KLF12: variants seen among roughly 807,000 people sequenced by gnomAD.
KLF12 encodes the protein Krueppel-like factor 12.
A neutral mutation model predicts 37.8 loss-of-function variants in KLF12; 9 were observed. The ratio of observed to expected loss-of-function variants is 0.24; its 90% CI spans 0.14 to 0.42. The LOEUF is 0.42. KLF12 is among the 10% of genes least tolerant of loss of function. The pLI, the probability that KLF12 is intolerant of heterozygous loss-of-function variation, is 1.00. For missense variants in KLF12, 411 were observed against 516.0 expected (o/e 0.80, Z 1.97); for synonymous variants, 208 against 202.1 (o/e 1.03, Z -0.25).
At chr13:74,126,098 T>C (rs1176153457) in intron 1 of KLF12, among the ~76,000 whole-genome samples, 1 of 152,220 alleles carries the variant, frequency 6.6e-6, no homozygotes, top group Non-Finnish European at 1.5e-5. Context: ...ATATAGCACA[T>C]ATGTGCTGTA....
the KLF12 span, among the ~76,000 whole-genome samples, chr13:74,277,320 A>G: frequency 2.6e-5 from 4 of 152,170 alleles, no homozygotes; most frequent in East Asian, 7.7e-4. Flanking sequence ...CACATGGCCC[A>G]TATCATGTTT....
At chr13:73,856,980 C>T (rs1419094416) in intron 3 of KLF12, among the ~76,000 whole-genome samples, 9 of 151,658 alleles carry the variant, frequency 5.9e-5, no homozygotes, top group Non-Finnish European at 1.3e-4. Context: ...AGAGTGAAAC[C>T]CTGTCTCAAA....
At chr13:73,807,544 A>G (rs1315510221) in intron 5 of KLF12, among the ~76,000 whole-genome samples, 1 of 152,210 alleles carries the variant, frequency 6.6e-6, no homozygotes, top group Non-Finnish European at 1.5e-5. Context: ...AAGTGCTTTA[A>G]TTAGCTTAAA....
chr13:74,294,938 C>T, the KLF12 span, among the ~76,000 whole-genome samples: 2 of 152,164 alleles, frequency 1.3e-5, no homozygotes, highest in South Asian at 2.1e-4. Flanking sequence ...TTTTGATGAG[C>T]TCCTTTCCTG....
chr13:74,044,399 C>G (rs537092517), intron 1 of KLF12, among the ~76,000 whole-genome samples: 1 of 151,968 alleles, frequency 6.6e-6, no homozygotes, highest in South Asian at 2.1e-4. Context: ...ATGAATGATT[C>G]CAGGACTGAG....
the KLF12 span, among the ~76,000 whole-genome samples, chr13:74,290,045 C>T: frequency 2.6e-5 from 4 of 152,102 alleles, no homozygotes; most frequent in African/African-American, 9.7e-5. Flanking sequence ...TAAATTATCT[C>T]ATCAGCTTCA....
upstream of KLF12, among the ~76,000 whole-genome samples, chr13:74,135,078 G>C (rs1443779430): frequency 1.3e-5 from 2 of 151,340 alleles, no homozygotes; most frequent in Non-Finnish European, 3.0e-5. Flanking sequence ...GCGGAGGGCC[G>C]GGCGCGGCAG....
At chr13:74,296,052 CG>C in the KLF12 span, among the ~76,000 whole-genome samples, 14 of 151,932 alleles carry the variant, frequency 9.2e-5, no homozygotes, top group African/African-American at 2.7e-4. Context: ...CTCCTGAGCT[CG>C]GGTGATCCAC....
chr13:74,061,556 A>T (rs1319152317), intron 1 of KLF12, among the ~76,000 whole-genome samples: 2 of 152,176 alleles, frequency 1.3e-5, no homozygotes, highest in African/African-American at 4.8e-5. Context: ...AGATAAAAAA[A>T]ACACTCTGGG....
chr13:74,090,510 T>G (rs1371137226), intron 1 of KLF12, among the ~76,000 whole-genome samples: 6 of 152,148 alleles, frequency 3.9e-5, no homozygotes, highest in Non-Finnish European at 7.4e-5. Flanking sequence ...TCTATCAAAA[T>G]CGACAAGCTG....
chr13:74,274,287 G>A, the KLF12 span, among the ~76,000 whole-genome samples: 3 of 152,016 alleles, frequency 2.0e-5, no homozygotes, highest in Non-Finnish European at 2.9e-5. Context: ...AAGACCTAAG[G>A]CTTATTTACA....
At chr13:73,752,372 T>C (rs777048313) in intron 6 of KLF12, among the ~76,000 whole-genome samples, 4 of 149,384 alleles carry the variant, frequency 2.7e-5, no homozygotes, top group Non-Finnish European at 4.5e-5. Context: ...ATTTTCTTCA[T>C]CTCAAGAACT....
intron 1 of KLF12, among the ~76,000 whole-genome samples, chr13:74,038,462 A>G (rs1893316067): frequency 2.0e-5 from 3 of 152,186 alleles, no homozygotes; most frequent in Admixed American, 2.0e-4. Flanking sequence ...GTCATCCACG[A>G]CAAAAAGCAG....
chr13:73,820,680 T>C (rs897420306), intron 4 of KLF12, among the ~76,000 whole-genome samples: 1 of 152,090 alleles, frequency 6.6e-6, no homozygotes, highest in African/African-American at 2.4e-5. Context: ...TAATATGCAA[T>C]TTACTCATTT....
intron 1 of KLF12, among the ~76,000 whole-genome samples, chr13:74,128,240 T>A (rs889914271): frequency 3.3e-5 from 5 of 152,198 alleles, no homozygotes; most frequent in Non-Finnish European, 5.9e-5. Context: ...GAGACAGGAA[T>A]GGAATTCATG....
chr13:73,704,400 C>T (rs770307864), intron 7 of KLF12, among the ~76,000 whole-genome samples: 4 of 152,162 alleles, frequency 2.6e-5, no homozygotes, highest in Admixed American at 6.5e-5. Flanking sequence ...GGTACCAAAT[C>T]GTCAATGTCT....
At chr13:74,137,185 C>T (rs1193578688), upstream of KLF12, among the ~76,000 whole-genome samples, 3 of 152,168 alleles carry the variant, frequency 2.0e-5, no homozygotes, top group Non-Finnish European at 1.5e-5. Flanking sequence ...AGACCTTTTT[C>T]CTCTCTACCT....
intron 1 of KLF12, among the ~76,000 whole-genome samples, chr13:74,120,303 G>A (rs752257530): frequency 2.7e-4 from 41 of 152,184 alleles, no homozygotes; most frequent in African/African-American, 8.4e-4. Context: ...CCAACATGGC[G>A]AAACCCTGTC....
At chr13:74,165,997 T>C in the KLF12 span, among the ~76,000 whole-genome samples, 5 of 152,134 alleles carry the variant, frequency 3.3e-5, no homozygotes, top group Non-Finnish European at 7.4e-5. Context: ...TGAGATCTAT[T>C]ATGTATAAAA....
Sources: allele counts gnomAD v4.1 joint callset (sites outside exome capture counted in the v4.1 genomes callset), GRCh38; gene constraint gnomAD v4.1.1; transcripts MANE v1.5; gene names NCBI Gene and HGNC (gene_info 2026-07-23, HGNC 2026-07-21).